PTPRT: variants seen among roughly 807,000 people sequenced by gnomAD.
The protein encoded by PTPRT is receptor-type tyrosine-protein phosphatase T.
PTPRT carries 56 observed loss-of-function variants against 176.8 expected under a neutral mutation model. That is an observed-to-expected ratio of 0.32 (90% CI 0.26 to 0.40). PTPRT has a LOEUF of 0.40. Among genes scored for constraint, PTPRT ranks in the 10% least tolerant of loss-of-function variants. The pLI, the probability that PTPRT is intolerant of heterozygous loss-of-function variation, is 1.00. For missense variants in PTPRT, 1,540 were observed against 1,908.2 expected (o/e 0.81, Z 3.60); for synonymous variants, 783 against 739.0 (o/e 1.06, Z -0.96).
intron 1 of PTPRT, among the ~76,000 whole-genome samples, chr20:43,123,033 T>C (rs1021542773): frequency 6.6e-6 from 1 of 152,118 alleles, no homozygotes; most frequent in African/African-American, 2.4e-5. Flanking sequence ...TTTGTATTTT[T>C]AGTAGAGATG....
chr20:42,770,421 G>C (rs2077045535), intron 5 of PTPRT, among the ~76,000 whole-genome samples: 1 of 152,168 alleles, frequency 6.6e-6, no homozygotes, highest in African/African-American at 2.4e-5. Flanking sequence ...AGTATTAATG[G>C]AAGTATGCTA....
At chr20:42,241,078 A>C (rs2056344854) in intron 14 of PTPRT, among the ~76,000 whole-genome samples, 1 of 152,198 alleles carries the variant, frequency 6.6e-6, no homozygotes, top group South Asian at 2.1e-4. Context: ...ACATTTATAT[A>C]GTTGTTAAGT....
intron 7 of PTPRT, among the ~76,000 whole-genome samples, chr20:42,607,946 G>A (rs1458054840): frequency 3.3e-5 from 5 of 152,130 alleles, no homozygotes; most frequent in Non-Finnish European, 7.4e-5. Flanking sequence ...TCCTCATGTG[G>A]ACCAGAAGCA....
intron 1 of PTPRT, among the ~76,000 whole-genome samples, chr20:43,140,786 G>A (rs2013980906): frequency 6.6e-6 from 1 of 152,144 alleles, no homozygotes; most frequent in South Asian, 2.1e-4. Context: ...CACTGTGTGT[G>A]AAATTATCTT....
At chr20:42,837,589 T>A (rs2078204394) in intron 2 of PTPRT, among the ~76,000 whole-genome samples, 1 of 152,218 alleles carries the variant, frequency 6.6e-6, no homozygotes, top group Admixed American at 6.5e-5. Context: ...CCAAGGCAAG[T>A]GATTTGTTTC....
At chr20:42,575,128 C>T (rs2073234242) in intron 7 of PTPRT, among the ~76,000 whole-genome samples, 1 of 152,154 alleles carries the variant, frequency 6.6e-6, no homozygotes. Context: ...AAAATGACTG[C>T]ATCCGGTTCT....
At chr20:43,048,012 TG>T (rs1332484542) in intron 1 of PTPRT, among the ~76,000 whole-genome samples, 1 of 152,040 alleles carries the variant, frequency 6.6e-6, no homozygotes, top group African/African-American at 2.4e-5. Context: ...ACCTTAGCAG[TG>T]GGCAAAACAG....
At chr20:42,206,648 G>A (rs1218207598) in intron 15 of PTPRT, among the ~76,000 whole-genome samples, 2 of 152,146 alleles carry the variant, frequency 1.3e-5, no homozygotes, top group East Asian at 1.9e-4. Context: ...ACGGAGTCTC[G>A]CTGATTGCTA....
intron 15 of PTPRT, among the ~76,000 whole-genome samples, chr20:42,205,755 T>A (rs1458757501): frequency 1.1e-4 from 17 of 152,140 alleles, no homozygotes; most frequent in Admixed American, 3.9e-4. Context: ...AATCTCCAGA[T>A]AAACTTTCCT....
At chr20:42,898,232 G>A (rs199844334) in intron 1 of PTPRT, among the ~76,000 whole-genome samples, 3 of 152,068 alleles carry the variant, frequency 2.0e-5, no homozygotes, top group African/African-American at 7.2e-5. Context: ...GTTAAGAGAC[G>A]GGGTCTTGCT....
intron 14 of PTPRT, among the ~76,000 whole-genome samples, chr20:42,236,700 G>A (rs2056250854): frequency 6.6e-6 from 1 of 150,482 alleles, no homozygotes. Context: ...AATGTCCTGT[G>A]ATCTAAGCAA....
intron 7 of PTPRT, among the ~76,000 whole-genome samples, chr20:42,581,900 C>A (rs767857516): frequency 4.6e-5 from 7 of 152,092 alleles, no homozygotes; most frequent in Non-Finnish European, 5.9e-5. Flanking sequence ...AATTGACAGG[C>A]CAAATCAATA....
At chr20:43,026,132 C>T (rs1262485792) in intron 1 of PTPRT, among the ~76,000 whole-genome samples, 1 of 151,962 alleles carries the variant, frequency 6.6e-6, no homozygotes, top group African/African-American at 2.4e-5. Flanking sequence ...TTTGTTTTTT[C>T]TCTGAGACGG....
At chr20:42,876,009 A>C (rs2078923517) in intron 2 of PTPRT, among the ~76,000 whole-genome samples, 1 of 152,168 alleles carries the variant, frequency 6.6e-6, no homozygotes, top group African/African-American at 2.4e-5. Flanking sequence ...TATTACTATT[A>C]CCACATACAG....
At chr20:42,377,969 G>T (rs1029167247) in intron 9 of PTPRT, among the ~76,000 whole-genome samples, 4 of 152,188 alleles carry the variant, frequency 2.6e-5, no homozygotes, top group African/African-American at 9.7e-5. Context: ...AACTAATAGT[G>T]CAGAAATAGT....
At chr20:43,024,730 A>G (rs375754165) in intron 1 of PTPRT, among the ~76,000 whole-genome samples, 4 of 152,236 alleles carry the variant, frequency 2.6e-5, no homozygotes, top group Non-Finnish European at 5.9e-5. Context: ...GGCCTGCCCA[A>G]TGTCCAGTGT....
chr20:42,854,825 A>C (rs777891070), intron 2 of PTPRT, among the ~76,000 whole-genome samples: 17 of 152,256 alleles, frequency 1.1e-4, no homozygotes, highest in Non-Finnish European at 2.4e-4. Flanking sequence ...GAAGCAAATT[A>C]AATTAAATTA....
At chr20:42,421,599 G>A (rs1204274563) in intron 9 of PTPRT, among the ~76,000 whole-genome samples, 1 of 151,932 alleles carries the variant, frequency 6.6e-6, no homozygotes, top group Non-Finnish European at 1.5e-5. Context: ...TGGATAAGAC[G>A]AGTCAATATC....
chr20:42,599,452 C>T (rs943987801), intron 7 of PTPRT, among the ~76,000 whole-genome samples: 15 of 152,092 alleles, frequency 9.9e-5, no homozygotes, highest in Admixed American at 3.9e-4. Context: ...GATGAAATGC[C>T]CCCTGCCTTA....
Sources: allele counts gnomAD v4.1 joint callset (sites outside exome capture counted in the v4.1 genomes callset), GRCh38; gene constraint gnomAD v4.1.1; transcripts MANE v1.5; gene names NCBI Gene and HGNC (gene_info 2026-07-23, HGNC 2026-07-21).